RNF17: variants seen among roughly 807,000 people sequenced by gnomAD.
RNF17 encodes spermatogenesis associated 23.
Under a neutral mutation model 200.5 loss-of-function variants are expected in RNF17, and 31 were observed. That is an observed-to-expected ratio of 0.15 (90% CI 0.12 to 0.21). The LOEUF (loss-of-function observed/expected upper bound fraction) is 0.21, where lower values mean the gene tolerates loss of function less well. RNF17 is among the 10% of genes least tolerant of loss of function. The pLI, the probability that RNF17 is intolerant of heterozygous loss-of-function variation, is 1.00. For missense variants in RNF17, 1,628 were observed against 1,905.1 expected, an observed-to-expected ratio of 0.85 and a Z score of 2.71; for synonymous variants, 606 against 637.8, an observed-to-expected ratio of 0.95 and a Z score of 0.75.
intron 30 of RNF17, 131 bp downstream of exon 30, chr13:24,866,334 ACAGTT>A: frequency 1.8e-6 from 1 of 549,170 alleles, no homozygotes; most frequent in Non-Finnish European, 3.2e-6. Context: ...TATTGAATAT[ACAGTT>A]CAGTGTTGTT....
At chr13:24,833,167 A>G (rs1889605981) in intron 18 of RNF17, among the ~76,000 whole-genome samples, 1 of 152,208 alleles carries the variant, frequency 6.6e-6, no homozygotes, top group Non-Finnish European at 1.5e-5. Context: ...GCATAGATGT[A>G]TAGGACTTTC....
intron 15 of RNF17, 125 bp from the exon 16 acceptor site, chr13:24,825,490 CAATT>C (rs1315979205): frequency 5.8e-6 from 4 of 683,938 alleles, no homozygotes; most frequent in African/African-American, 5.3e-5. Context: ...TTACGTAACA[CAATT>C]GATAGATTTA....
At chr13:24,792,972 C>G in intron 9 of RNF17, 70 bp from the exon 10 acceptor site, 1 of 1,059,476 alleles carries the variant, frequency 9.4e-7, no homozygotes, top group South Asian at 1.6e-5. Flanking sequence ...GTGGGAGTTT[C>G]TAGTGACTTA....
intron 13 of RNF17, 98 bp from the exon 14 acceptor site, chr13:24,802,283 G>A (rs1249703536): frequency 9.3e-6 from 10 of 1,073,650 alleles, no homozygotes; most frequent in East Asian, 5.1e-5. Flanking sequence ...CAGTTTGTTC[G>A]CAGTTGCGTC....
intron 18 of RNF17, among the ~76,000 whole-genome samples, chr13:24,836,414 G>T (rs1268584603): frequency 6.6e-6 from 1 of 152,176 alleles, no homozygotes; most frequent in African/African-American, 2.4e-5. Flanking sequence ...TTGTCATCAG[G>T]TTATCAAAGT....
In RNF17 at chr13:24,793,379, T is replaced by C. The variant is rs745435416; in HGVS notation, c.1240+33T>C. On this transcript the variant is annotated intron_variant, in intron 10 of 35. Transcript: ENST00000255324. ...AAAATGTAAAAGCAGAGGGGAAAGA[T>C]CTTGTATCTGTAATTAGACACAGTT... is the stretch of plus-strand genomic sequence containing the variant. The C allele has an allele frequency of 4.6e-6, 7 of 1,532,878 alleles. No individual in the cohort carries two copies. In the South Asian group the frequency reaches 7.7e-5, roughly 17 times the overall value. 95.0% of individuals were successfully genotyped at this position (1,532,878 alleles called of 1,614,324 possible).
intron 22 of RNF17, among the ~76,000 whole-genome samples, chr13:24,846,565 T>C (rs1891277442): frequency 6.6e-6 from 1 of 152,238 alleles, no homozygotes; most frequent in South Asian, 2.1e-4. Context: ...ACCACAGTTA[T>C]CCAAATCACT....
At chr13:24,765,250 C>T (rs1196916933) in intron 1 of RNF17, among the ~76,000 whole-genome samples, 1 of 152,116 alleles carries the variant, frequency 6.6e-6, no homozygotes, top group Non-Finnish European at 1.5e-5. Context: ...CTCCTGACCT[C>T]GTGATCCGCC....
chr13:24,865,615 TTAGA>T (rs1238276381), intron 29 of RNF17, among the ~76,000 whole-genome samples: 3 of 152,224 alleles, frequency 2.0e-5, no homozygotes, highest in Non-Finnish European at 2.9e-5. Context: ...AGTCTACTTG[TTAGA>T]CTCTTTAATA....
chr13:24,760,106 A>AC (rs1317444278), upstream of RNF17, among the ~76,000 whole-genome samples: 1 of 152,208 alleles, frequency 6.6e-6, no homozygotes, highest in Non-Finnish European at 1.5e-5. Flanking sequence ...ACGCCACTGC[A>AC]CGCCAGCCTG....
At chr13:24,799,710 C>G (rs1022305074) in intron 12 of RNF17, 126 bp downstream of exon 12, 1 of 617,638 alleles carries the variant, frequency 1.6e-6, no homozygotes. Flanking sequence ...CCAAGACATA[C>G]GTTTTATTAT....
At chr13:24,878,172 A>G (rs1895058780) in intron 34 of RNF17, among the ~76,000 whole-genome samples, 1 of 152,112 alleles carries the variant, frequency 6.6e-6, no homozygotes, top group Admixed American at 6.5e-5. Flanking sequence ...TTCCTGACAC[A>G]CTGGCTATGA....
chr13:24,771,264 A>G (rs1424299284), intron 2 of RNF17, among the ~76,000 whole-genome samples: 2 of 144,104 alleles, frequency 1.4e-5, no homozygotes, highest in East Asian at 4.2e-4. Context: ...CAATCCTCCT[A>G]CCTCATCCAG....
chr13:24,795,442 A>G (rs1884450350), intron 10 of RNF17, among the ~76,000 whole-genome samples: 1 of 145,030 alleles, frequency 6.9e-6, no homozygotes, highest in African/African-American at 2.5e-5. Flanking sequence ...TTTTTTTTAC[A>G]CAAAACGTAG....
intron 15 of RNF17, among the ~76,000 whole-genome samples, chr13:24,811,693 A>G (rs1246039719): frequency 6.6e-6 from 1 of 151,520 alleles, no homozygotes; most frequent in Non-Finnish European, 1.5e-5. Context: ...GAGGAACTCT[A>G]CTCCTTTGGA....
At position 24,793,312 on chromosome 13, in the gene RNF17, G is replaced by C; in HGVS notation, c.1206G>C (p.Val402=). Residue 402 remains valine (V), a synonymous_variant, in exon 10 of 36, where the codon GTG becomes GTC. Transcript: ENST00000255324. ...VLPQMGSSPD[V]IIEEIIEDNV... ...CTCAGATGGGATCTAGCCCTGATGT[G>C]ATAATTGAAGAAATTATTGAAGACA... is the stretch of plus-strand genomic sequence containing the variant. 1.3e-6 allele frequency: 2 copies of C among 1,589,732 alleles called. No homozygotes were observed. Among genetic ancestry groups the C allele is most frequent in the East Asian group, 2.2e-5 (1 of 44,690 alleles).
chr13:24,880,266 C>T (rs1953775051), downstream of RNF17, among the ~76,000 whole-genome samples: 1 of 152,136 alleles, frequency 6.6e-6, no homozygotes, highest in African/African-American at 2.4e-5. Context: ...GGAAACGCCC[C>T]TTATAAAACC....
intron 18 of RNF17, among the ~76,000 whole-genome samples, 176 bp downstream of exon 18, chr13:24,832,154 A>G (rs1009944029): frequency 6.6e-6 from 1 of 152,244 alleles, no homozygotes; most frequent in African/African-American, 2.4e-5. Flanking sequence ...TAAAGTCATC[A>G]GGACAAAAAT....
chr13:24,804,425 A>G lies in RNF17; in HGVS notation c.2087A>G (p.Gln696Arg). The change falls in exon 15 of 36, where the codon CAG becomes CGG. Residue 696 changes from glutamine to arginine, a missense_variant. Physicochemically the swap from Gln to Arg is conservative, Grantham distance 43. Coordinates refer to ENST00000255324, the MANE Select transcript of RNF17 (RefSeq NM_031277.3). ...HINSPGDFYLQLIEGLDILFL... is the reference protein window; with the variant it reads ...HINSPGDFYLRLIEGLDILFL... Reference sequence around the variant, plus strand: ...AATAGTCCTGGAGATTTCTATCTTCAGTTGGTAAGTATATAATGTGTTTTT... The same window carrying G: ...AATAGTCCTGGAGATTTCTATCTTCGGTTGGTAAGTATATAATGTGTTTTT... 1 of 1,607,894 alleles carries G rather than the reference A, an allele frequency of 6.2e-7. No homozygotes were observed. The highest frequency in any genetic ancestry group is 8.5e-7 in the Non-Finnish European group (1 of 1,176,298).
Sources: gnomAD v4.1 joint callset for allele counts (sites outside exome capture counted in the v4.1 genomes callset) on GRCh38, gnomAD v4.1.1 for gene constraint, MANE v1.5 for transcripts, NCBI Gene and HGNC (gene_info 2026-07-23, HGNC 2026-07-21) for gene names.